The following IGF2BP1 variants were observed in gnomAD, a reference collection of about 807,000 sequenced individuals.
IGF2BP1 encodes insulin-like growth factor 2 mRNA-binding protein 1.
A neutral mutation model predicts 74.9 loss-of-function variants in IGF2BP1; 11 were observed. That is an observed-to-expected ratio of 0.15 (90% CI 0.09 to 0.24). IGF2BP1 has a LOEUF of 0.24. Ranked by LOEUF, IGF2BP1 falls within the 10% of genes least tolerant of loss-of-function variation. The pLI is 1.00. For missense variants in IGF2BP1, 440 were observed against 757.4 expected (o/e 0.58, Z 4.92); for synonymous variants, 287 against 281.8 (o/e 1.02, Z -0.18).
chr17:49,025,015 A>G (rs1387110931), intron 2 of IGF2BP1, among the ~76,000 whole-genome samples: 1 of 152,098 alleles, frequency 6.6e-6, no homozygotes, highest in Non-Finnish European at 1.5e-5. Context: ...AATATGGTGA[A>G]ACCCTGTCTC....
At chr17:49,018,561 C>T (rs984096474) in intron 2 of IGF2BP1, among the ~76,000 whole-genome samples, 15 of 151,420 alleles carry the variant, frequency 9.9e-5, no homozygotes, top group South Asian at 2.1e-4. Flanking sequence ...TGGATGGATT[C>T]GAAAGTCTTC....
chr17:49,003,686 G>C (rs2041510873), intron 2 of IGF2BP1, among the ~76,000 whole-genome samples: 1 of 151,694 alleles, frequency 6.6e-6, no homozygotes, highest in African/African-American at 2.4e-5. Flanking sequence ...ATTTGGGATG[G>C]GAGTGTTAGG....
intron 5 of IGF2BP1, 41 bp from the exon 6 acceptor site, chr17:49,038,127 C>T (rs2042009470): frequency 2.1e-6 from 3 of 1,421,008 alleles, no homozygotes; most frequent in Non-Finnish European, 2.8e-6. Flanking sequence ...GTATGATTGG[C>T]ATGGATTGGA....
At chr17:49,041,820 T>C (rs185170323) in intron 8 of IGF2BP1, among the ~76,000 whole-genome samples, 1 of 152,332 alleles carries the variant, frequency 6.6e-6, no homozygotes, top group Non-Finnish European at 1.5e-5. Context: ...TTTAGGCTTG[T>C]CTGTCACTGT....
chr17:49,046,528 G>T (rs2042109353), intron 14 of IGF2BP1, among the ~76,000 whole-genome samples, 155 bp downstream of exon 14: 1 of 151,974 alleles, frequency 6.6e-6, no homozygotes, highest in African/African-American at 2.4e-5. Flanking sequence ...CCTCTTTCAG[G>T]TGCAGAAGTG....
rs936966156 is a variant in IGF2BP1 at position 49,014,799 on chromosome 17, A to G, written c.237-10819A>G. ...TCAGGGGGCACTAAGGACCCCGAGGAGCACGGGGATGTCTGCCGGGTCCTT... is the reference window on the plus strand; with the variant it reads ...TCAGGGGGCACTAAGGACCCCGAGGGGCACGGGGATGTCTGCCGGGTCCTT... On this transcript the variant is annotated intron_variant, in intron 2 of 14. Coordinates refer to ENST00000290341, the MANE Select transcript of IGF2BP1 (RefSeq NM_006546.4). The G allele has an allele frequency of 3.0e-6, 3 of 985,326 alleles. No individual in the cohort carries two copies. In the African/African-American group the frequency reaches 5.2e-5, roughly 17 times the overall value. The allele number at this position is 985,326 out of a possible 1,614,324, so 61.0% of individuals were successfully genotyped here. A position where few individuals can be genotyped will look rare whatever the true frequency, so the allele number is the denominator to read the frequency against.
intron 4 of IGF2BP1, 94 bp downstream of exon 4, chr17:49,026,611 CCCTTCCTTCCTTCCTT>C (rs745311533): frequency 4.9e-6 from 5 of 1,029,110 alleles, no homozygotes; most frequent in African/African-American, 1.7e-5. Flanking sequence ...TTCTTTTTCT[CCCTTCCTTCCTTCCTT>C]CCTTCCTGCC....
intron 2 of IGF2BP1, among the ~76,000 whole-genome samples, chr17:49,003,437 G>A (rs908747848): frequency 6.6e-6 from 1 of 152,144 alleles, no homozygotes; most frequent in Non-Finnish European, 1.5e-5. Context: ...AACAGCAAGT[G>A]CTATTTGTTG....
In IGF2BP1 at chr17:49,051,257, A is replaced by G. The variant is rs1206619405; in HGVS notation, c.*1813A>G. 6.5e-6 allele frequency: 1 copy of G among 152,690 alleles called. No individual in the cohort carries two copies. The highest frequency in any genetic ancestry group is 6.5e-5 in the Admixed American group (1 of 15,282). The allele number at this position is 152,690 out of a possible 1,614,324, so 9.5% of individuals were successfully genotyped here. On this transcript the variant is annotated 3_prime_UTR_variant, in exon 15 of 15. Coordinates refer to ENST00000290341, the MANE Select transcript of IGF2BP1 (RefSeq NM_006546.4). ...ATATTTTATTTTTTTAATGAAAAGAAAAAACAAGAAAGTTATGTTTCATAA... is the reference window on the plus strand; with the variant it reads ...ATATTTTATTTTTTTAATGAAAAGAGAAAACAAGAAAGTTATGTTTCATAA...
At chr17:49,007,340 C>T (rs2041562296) in intron 2 of IGF2BP1, among the ~76,000 whole-genome samples, 3 of 152,324 alleles carry the variant, frequency 2.0e-5, no homozygotes, top group Admixed American at 6.5e-5. Flanking sequence ...GGTCTGGAAC[C>T]AGTTCCCAGA....
intron 2 of IGF2BP1, among the ~76,000 whole-genome samples, chr17:49,009,191 G>A (rs1352092926): frequency 6.6e-6 from 1 of 151,872 alleles, no homozygotes; most frequent in Non-Finnish European, 1.5e-5. Context: ...AGCACCCCTG[G>A]CTAATTTTTG....
intron 2 of IGF2BP1, among the ~76,000 whole-genome samples, chr17:49,008,912 AT>A (rs879410119): frequency 2.6e-5 from 4 of 152,080 alleles, no homozygotes; most frequent in Non-Finnish European, 5.9e-5. Context: ...AGTTATTTTT[AT>A]CTAGTAAGAG....
rs1289497925 is a variant in IGF2BP1 at position 49,049,871 on chromosome 17, C to CG, written c.*427_*428insG. ...TGTTTTTCCAATCTTCTTCCCCCTA[C>CG]TTGGGTAATTGATTAAAATACCTCC... is the stretch of plus-strand genomic sequence containing the variant. On this transcript the variant is annotated 3_prime_UTR_variant, in exon 15 of 15. Transcript: ENST00000290341. 6.5e-6 allele frequency: 1 copy of CG among 153,822 alleles called. No individual in the cohort carries two copies. Among genetic ancestry groups the CG allele is most frequent in the Non-Finnish European group, 1.4e-5 (1 of 69,172 alleles). 9.5% of individuals were successfully genotyped at this position (153,822 alleles called of 1,614,324 possible).
chr17:49,028,565 G>A (rs1459453421), intron 4 of IGF2BP1, among the ~76,000 whole-genome samples: 2 of 152,170 alleles, frequency 1.3e-5, no homozygotes, highest in Non-Finnish European at 2.9e-5. Context: ...CAGTGGCTTG[G>A]GAGCAAGTGC....
At chr17:49,020,317 C>G (rs1172080597) in intron 2 of IGF2BP1, among the ~76,000 whole-genome samples, 2 of 152,076 alleles carry the variant, frequency 1.3e-5, no homozygotes, top group Non-Finnish European at 2.9e-5. Context: ...GCTGGGATTA[C>G]AGGCGTGAGC....
At chr17:49,042,160 C>T in intron 8 of IGF2BP1, 82 bp from the exon 9 acceptor site, 2 of 1,571,526 alleles carry the variant, frequency 1.3e-6, no homozygotes, top group East Asian at 2.2e-5. Flanking sequence ...GCCTGTGACT[C>T]AGCTGGCCTC....
chr17:49,009,908 T>C (rs937245395), intron 2 of IGF2BP1, among the ~76,000 whole-genome samples: 1 of 151,960 alleles, frequency 6.6e-6, no homozygotes, highest in East Asian at 1.9e-4. Flanking sequence ...GGTGAAACCC[T>C]GTCTCTACTA....
chr17:49,010,126 G>A (rs962963859), intron 2 of IGF2BP1, among the ~76,000 whole-genome samples: 6 of 152,026 alleles, frequency 3.9e-5, no homozygotes, highest in African/African-American at 1.4e-4. Context: ...ACATTGTTGT[G>A]CAACCATCAC....
At chr17:49,035,396 G>T (rs1166874747) in intron 5 of IGF2BP1, among the ~76,000 whole-genome samples, 1 of 152,240 alleles carries the variant, frequency 6.6e-6, no homozygotes, top group Non-Finnish European at 1.5e-5. Flanking sequence ...TCTAGACTAG[G>T]TTGTAAGTTT....
Sources: allele counts gnomAD v4.1 joint callset (sites outside exome capture counted in the v4.1 genomes callset), GRCh38; gene constraint gnomAD v4.1.1; transcripts MANE v1.5; gene names NCBI Gene and HGNC (gene_info 2026-07-23, HGNC 2026-07-21).